The following CCDC138 variants were observed in gnomAD, a reference collection of about 807,000 sequenced individuals.
The protein encoded by CCDC138 is coiled-coil domain-containing protein 138.
Under a neutral mutation model 82.3 loss-of-function variants are expected in CCDC138, and 66 were observed. The ratio of observed to expected loss-of-function variants is 0.80; its 90% CI spans 0.66 to 0.98. The LOEUF (loss-of-function observed/expected upper bound fraction) is 0.98, where lower values mean the gene tolerates loss of function less well. Ranked by LOEUF, CCDC138 falls within the 50% of genes least tolerant of loss-of-function variation. CCDC138 has a pLI of 0.00. For missense variants in CCDC138, 816 were observed against 758.9 expected (o/e 1.08, Z -0.88); for synonymous variants, 297 against 265.4 (o/e 1.12, Z -1.16).
intron 3 of CCDC138, among the ~76,000 whole-genome samples, chr2:108,789,201 T>C (rs1471445237): frequency 6.6e-6 from 1 of 152,182 alleles, no homozygotes; most frequent in Non-Finnish European, 1.5e-5. Context: ...GGAAAGTTAT[T>C]TATATAATGT....
Position 108,798,550 on chromosome 2 carries a change from A to G in CCDC138, c.699A>G (p.Glu233=). ...CCTTGAGTAAAATTAAAGGTGTTGAAGAAGAGGTTCTTACAAGATTTCAAA... is the reference window on the plus strand; with the variant it reads ...CCTTGAGTAAAATTAAAGGTGTTGAGGAAGAGGTTCTTACAAGATTTCAAA... The part of the protein sequence containing the change: ...ENALSKIKGV[E]EEVLTRFQII... Residue 233 remains glutamate (E), a synonymous_variant, in exon 6 of 15, where the codon GAA becomes GAG. Transcript: ENST00000295124. 3 of 1,613,472 alleles carry G rather than the reference A, an allele frequency of 1.9e-6. No homozygotes were observed. Among genetic ancestry groups the G allele is most frequent in the Non-Finnish European group, 1.7e-6 (2 of 1,179,668 alleles).
intron 13 of CCDC138, among the ~76,000 whole-genome samples, chr2:108,868,901 GA>G (rs1374589593): frequency 2.0e-5 from 3 of 151,688 alleles, no homozygotes; most frequent in African/African-American, 7.3e-5. Flanking sequence ...TACCTTTTGT[GA>G]AAGAAAAAAA....
At chr2:108,811,243 C>CCCCTT (rs1683787547) in intron 7 of CCDC138, among the ~76,000 whole-genome samples, 1 of 28,700 alleles carries the variant, frequency 3.5e-5, no homozygotes, top group Admixed American at 4.3e-4. Flanking sequence ...TTCTTTCTCT[C>CCCCTT]TCTCTTTTTT....
chr2:108,794,419 C>G lies in CCDC138; in HGVS notation c.395-121C>G, dbSNP rs921419903. 7.5e-6 allele frequency: 7 copies of G among 933,906 alleles called. No individual in the cohort carries two copies. In the Admixed American group the frequency reaches 2.3e-4, roughly 30 times the overall value. 57.9% of individuals were successfully genotyped at this position (933,906 alleles called of 1,614,324 possible). ...ATATTTGCTATATTTTTCTTTGTCTCTCTTGAAACTTTTTAATGTTATATT... is the reference window on the plus strand; with the variant it reads ...ATATTTGCTATATTTTTCTTTGTCTGTCTTGAAACTTTTTAATGTTATATT... On this transcript the variant is annotated intron_variant, in intron 4 of 14. Coordinates refer to ENST00000295124, the MANE Select transcript of CCDC138 (RefSeq NM_144978.3).
At position 108,816,127 on chromosome 2, in the gene CCDC138, A is replaced by G. The variant is rs754804360; in HGVS notation, c.1206+22A>G. 1.0e-5 allele frequency: 16 copies of G among 1,541,798 alleles called. No homozygotes were observed. The Admixed American group carries it at 1.4e-4, about 14-fold the overall frequency. Reference sequence around the variant, plus strand: ...AAAGGTTTGTTTTTTAATTTGAAATATGTGATTCAGAATATATGAAGATTA... The same window carrying G: ...AAAGGTTTGTTTTTTAATTTGAAATGTGTGATTCAGAATATATGAAGATTA... On this transcript the variant is annotated intron_variant, in intron 10 of 14. Coordinates refer to ENST00000295124, the MANE Select transcript of CCDC138 (RefSeq NM_144978.3).
intron 12 of CCDC138, among the ~76,000 whole-genome samples, chr2:108,852,950 C>G (rs1691765649): frequency 6.6e-6 from 1 of 152,124 alleles, no homozygotes; most frequent in African/African-American, 2.4e-5. Context: ...TAATGTGTCA[C>G]TGAGAGGATA....
intron 4 of CCDC138, among the ~76,000 whole-genome samples, chr2:108,793,355 C>G (rs1389880442): frequency 6.6e-6 from 1 of 151,662 alleles, no homozygotes; most frequent in Non-Finnish European, 1.5e-5. Flanking sequence ...AAAACAACAA[C>G]AAAAAAACAC....
intron 9 of CCDC138, among the ~76,000 whole-genome samples, chr2:108,814,907 A>T (rs1384459728): frequency 1.3e-5 from 2 of 152,046 alleles, no homozygotes; most frequent in Admixed American, 1.3e-4. Flanking sequence ...AAGTGCTGGG[A>T]TTATAGGCAT....
intron 10 of CCDC138, among the ~76,000 whole-genome samples, chr2:108,829,773 G>A (rs753915277): frequency 8.2e-4 from 125 of 152,222 alleles, no homozygotes; most frequent in Non-Finnish European, 1.5e-3. Context: ...ATATACATAC[G>A]TACATACAAG....
At chr2:108,857,804 T>C (rs1692870279) in intron 13 of CCDC138, among the ~76,000 whole-genome samples, 1 of 152,136 alleles carries the variant, frequency 6.6e-6, no homozygotes, top group South Asian at 2.1e-4. Flanking sequence ...TTCACAGGGA[T>C]TTTTCTTTTA....
intron 9 of CCDC138, among the ~76,000 whole-genome samples, chr2:108,814,673 ATT>A (rs530640424): frequency 1.4e-5 from 2 of 141,804 alleles, no homozygotes; most frequent in Non-Finnish European, 3.1e-5. Flanking sequence ...AATATTTTTA[ATT>A]TTTTTTTTTT....
At chr2:108,787,710 TG>T (rs1372709854) in intron 1 of CCDC138, among the ~76,000 whole-genome samples, 2 of 152,142 alleles carry the variant, frequency 1.3e-5, no homozygotes, top group Admixed American at 1.3e-4. Context: ...TCTGTAAGGT[TG>T]TTTTTTTTTT....
At chr2:108,870,281 T>C (rs547024698) in intron 13 of CCDC138, among the ~76,000 whole-genome samples, 2 of 152,206 alleles carry the variant, frequency 1.3e-5, no homozygotes, top group South Asian at 4.1e-4. Context: ...TCAGTGAACT[T>C]GAAGGCAAGT....
At chr2:108,872,054 T>C (rs572175645) in intron 13 of CCDC138, among the ~76,000 whole-genome samples, 1 of 152,350 alleles carries the variant, frequency 6.6e-6, no homozygotes, top group East Asian at 1.9e-4. Flanking sequence ...TACTTCATGT[T>C]TGAGAATGCC....
intron 14 of CCDC138, 95 bp downstream of exon 14, chr2:108,873,684 C>T (rs1250997225): frequency 7.4e-6 from 6 of 811,818 alleles, no homozygotes; most frequent in Non-Finnish European, 9.4e-6. Flanking sequence ...CCCTGGGCCA[C>T]ACTGGATGAA....
chr2:108,847,441 A>G (rs1690682290), intron 12 of CCDC138, among the ~76,000 whole-genome samples: 1 of 152,208 alleles, frequency 6.6e-6, no homozygotes, highest in Admixed American at 6.5e-5. Context: ...TTTACAGAAA[A>G]TGTTTTTCAG....
intron 10 of CCDC138, among the ~76,000 whole-genome samples, chr2:108,831,152 C>G (rs1256467859): frequency 3.3e-5 from 5 of 151,928 alleles, no homozygotes; most frequent in Non-Finnish European, 2.9e-5. Flanking sequence ...GCACTCCAGC[C>G]TGAGTTATAG....
At chr2:108,815,828 T>C (rs1406866650) in intron 9 of CCDC138, 113 bp from the exon 10 acceptor site, 1 of 878,538 alleles carries the variant, frequency 1.1e-6, no homozygotes, top group East Asian at 2.6e-5. Flanking sequence ...CTTAACACAT[T>C]TTAGTGAATT....
intron 7 of CCDC138, among the ~76,000 whole-genome samples, chr2:108,810,277 G>A (rs1403636612): frequency 6.6e-6 from 1 of 152,152 alleles, no homozygotes. Flanking sequence ...TTAATTGTGT[G>A]TTTGTTATAT....
Sources: allele counts gnomAD v4.1 joint callset (sites outside exome capture counted in the v4.1 genomes callset), GRCh38; gene constraint gnomAD v4.1.1; transcripts MANE v1.5; gene names NCBI Gene and HGNC (gene_info 2026-07-23, HGNC 2026-07-21).